The following ANKRD11 variants were observed in gnomAD, a reference collection of about 807,000 sequenced individuals.
ANKRD11 encodes the protein ankyrin repeat domain-containing protein 11.
A neutral mutation model predicts 195.7 loss-of-function variants in ANKRD11; 17 were observed. The ratio of observed to expected loss-of-function variants is 0.09; its 90% CI spans 0.06 to 0.13. The LOEUF (loss-of-function observed/expected upper bound fraction) is 0.13. Ranked by LOEUF, ANKRD11 falls within the 10% of genes least tolerant of loss-of-function variation. The pLI is 1.00. For missense variants in ANKRD11, 3,735 were observed against 3,566.1 expected, an observed-to-expected ratio of 1.05 and a Z score of -1.21; for synonymous variants, 1,953 against 1,528.1, an observed-to-expected ratio of 1.28 and a Z score of -6.49.
At chr16:89,417,010 C>A (rs768390319) in intron 2 of ANKRD11, among the ~76,000 whole-genome samples, 3 of 152,164 alleles carry the variant, frequency 2.0e-5, no homozygotes, top group Non-Finnish European at 4.4e-5. Context: ...AACATGCCCA[C>A]TACCCAGGCT....
intron 2 of ANKRD11, among the ~76,000 whole-genome samples, chr16:89,368,604 C>T (rs1485984095): frequency 1.4e-5 from 2 of 146,186 alleles, no homozygotes; most frequent in African/African-American, 5.2e-5. Context: ...AAACACGCAG[C>T]TCTTAAAAAA....
chr16:89,274,925 A>T lies in ANKRD11; in HGVS notation c.7602T>A (p.Ile2534=). The change falls in exon 11 of 13, where the codon ATT becomes ATA. Residue 2534 remains isoleucine (I), a synonymous_variant. Transcript: ENST00000301030. ...EKLIVSCEQE[I]LRVHCRAART... ...TGGCCGCCCGGCAGTGAACCCGCAG[A>T]ATCTCCTGCTCACAGGATACGATCA... 1 of 1,613,632 alleles carries T rather than the reference A, an allele frequency of 6.2e-7. No homozygotes were observed. Among genetic ancestry groups the T allele is most frequent in the Non-Finnish European group, 8.5e-7 (1 of 1,180,008 alleles).
At chr16:89,452,505 T>C (rs1463237973) in intron 1 of ANKRD11, among the ~76,000 whole-genome samples, 1 of 151,964 alleles carries the variant, frequency 6.6e-6, no homozygotes, top group Non-Finnish European at 1.5e-5. Flanking sequence ...TTACTTTTTT[T>C]TTAATCAAGA....
At chr16:89,335,942 A>T (rs1484011321) in intron 2 of ANKRD11, among the ~76,000 whole-genome samples, 3 of 152,218 alleles carry the variant, frequency 2.0e-5, no homozygotes, top group African/African-American at 7.2e-5. Context: ...CATCCGCCGC[A>T]AACATGACCG....
chr16:89,445,413 C>G (rs899229478), intron 1 of ANKRD11, among the ~76,000 whole-genome samples: 36 of 152,096 alleles, frequency 2.4e-4, no homozygotes, highest in Admixed American at 2.0e-4. Flanking sequence ...AGATGCTACC[C>G]CTGAAGCAAC....
Position 89,281,866 on chromosome 16 carries a change from T to C in ANKRD11, c.4676A>G (p.Lys1559Arg). 6.2e-7 allele frequency: 1 copy of C among 1,614,032 alleles called. No homozygotes were observed. Among genetic ancestry groups the C allele is most frequent in the Non-Finnish European group, 8.5e-7 (1 of 1,180,034 alleles). ...SNGNDKVAPS[K>R]DPGKKDARPR... ...CCTGGCGTCTTTCTTGCCTGGGTCT[T>C]TGGATGGCGCTACCTTATCATTCCC... Residue 1559 changes from lysine to arginine, a missense_variant, in exon 9 of 13, where the codon AAA (lysine) becomes AGA (arginine). Lys to Arg is a conservative substitution (Grantham distance 26). Coordinates refer to ENST00000301030, the MANE Select transcript of ANKRD11 (RefSeq NM_013275.6). This position sits in a 1 kb window ranked among gnomAD's most constrained non-coding sequence, Gnocchi z 5.5.
At chr16:89,375,247 G>T (rs990800268) in intron 2 of ANKRD11, among the ~76,000 whole-genome samples, 1 of 152,116 alleles carries the variant, frequency 6.6e-6, no homozygotes, top group Non-Finnish European at 1.5e-5. Flanking sequence ...TCGTCTCCGC[G>T]TGAGCAGCTG....
At chr16:89,271,654 GTC>G (rs1286746763) in intron 11 of ANKRD11, 3 of 154,128 alleles carry the variant, frequency 1.9e-5, no homozygotes, top group African/African-American at 4.8e-5. Context: ...GGAAAGGACA[GTC>G]TCTTCCGTAA....
rs576365404 is a variant in ANKRD11 at position 89,357,195 on chromosome 16, G to A, written c.-59-40117C>T. On this transcript the variant is annotated intron_variant, in intron 2 of 12. Transcript: ENST00000301030. The stretch of plus-strand genomic sequence containing the variant: ...AGAGCTACAACACACCTTCGAAGAT[G>A]AGTGGGGTTGGGGGCGGGGTGAGTC... Among the ~76,000 whole-genome samples, 203 of 152,336 alleles carry A rather than the reference G, an allele frequency of 1.3e-3. 1 individual carries two copies. The highest frequency in any genetic ancestry group is 6.8e-3 in the Middle Eastern group (2 of 294).
intron 7 of ANKRD11, chr16:89,288,306 A>G: frequency 1.4e-6 from 1 of 714,544 alleles, no homozygotes. Flanking sequence ...CCTTTCATAG[A>G]TGGCACTTGC....
intron 2 of ANKRD11, among the ~76,000 whole-genome samples, chr16:89,330,671 G>C (rs1272691256): frequency 1.2e-4 from 6 of 50,934 alleles, no homozygotes; most frequent in African/African-American, 4.3e-4. Context: ...GGGGGGGGGG[G>C]GGGGCGGGGG....
intron 4 of ANKRD11, among the ~76,000 whole-genome samples, chr16:89,293,973 A>C (rs1303498332): frequency 6.6e-6 from 1 of 152,146 alleles, no homozygotes; most frequent in Non-Finnish European, 1.5e-5. Flanking sequence ...GCTTTGTGGC[A>C]AACAGAACAT....
rs754950644 is a variant in ANKRD11 at position 89,284,927 on chromosome 16, T to C, written c.1615A>G (p.Thr539Ala). ...CGCCAGTGCTTGGTGTGCTGGTCTGTGTGGCTGGGGTTCTGCTTCTGGGCG... is the reference window on the plus strand; with the variant it reads ...CGCCAGTGCTTGGTGTGCTGGTCTGCGTGGCTGGGGTTCTGCTTCTGGGCG... ...SAAQKQNPSH[T>A]DQHTKHWRTD... The change falls in exon 9 of 13, where the codon ACA (threonine) becomes GCA (alanine). Residue 539 changes from threonine to alanine, a missense_variant. Physicochemically the swap from Thr to Ala is moderately conservative, Grantham distance 58. Transcript: ENST00000301030. 1 of 1,614,178 alleles carries C rather than the reference T, an allele frequency of 6.2e-7. No homozygotes were observed. Among genetic ancestry groups the C allele is most frequent in the Admixed American group, 1.7e-5 (1 of 60,034 alleles).
intron 2 of ANKRD11, among the ~76,000 whole-genome samples, chr16:89,350,258 GAA>G (rs2039147568): frequency 6.6e-6 from 1 of 152,180 alleles, no homozygotes; most frequent in African/African-American, 2.4e-5. Context: ...GGTCACTTTG[GAA>G]AAGAGTCTGG....
At chr16:89,393,206 C>T (rs1184451462) in intron 2 of ANKRD11, among the ~76,000 whole-genome samples, 1 of 152,192 alleles carries the variant, frequency 6.6e-6, no homozygotes, top group Non-Finnish European at 1.5e-5. Context: ...ACGACGCCAG[C>T]CTCATTCACC....
chr16:89,442,922 C>T (rs1179267062), intron 1 of ANKRD11, among the ~76,000 whole-genome samples: 2 of 152,220 alleles, frequency 1.3e-5, no homozygotes, highest in African/African-American at 2.4e-5. Context: ...CAGCCTCTGC[C>T]TCTTTCATTA....
chr16:89,386,113 G>A (rs1473105630), intron 2 of ANKRD11, among the ~76,000 whole-genome samples: 1 of 152,154 alleles, frequency 6.6e-6, no homozygotes. Flanking sequence ...TCAGATTTTC[G>A]TTTTTAAGTA....
intron 1 of ANKRD11, among the ~76,000 whole-genome samples, chr16:89,468,927 C>A (rs2056975094): frequency 6.6e-6 from 1 of 152,136 alleles, no homozygotes; most frequent in Non-Finnish European, 1.5e-5. Flanking sequence ...AAAAACAAAA[C>A]CAAATGATAA....
intron 2 of ANKRD11, among the ~76,000 whole-genome samples, chr16:89,318,520 G>A (rs28637538): frequency 0.02 from 3,042 of 152,260 alleles, 104 homozygotes; most frequent in African/African-American, 0.069. Context: ...TACCCATCTC[G>A]CTCATGCACG....
Sources: gnomAD v4.1 joint callset for allele counts (sites outside exome capture counted in the v4.1 genomes callset) on GRCh38, gnomAD v4.1.1 for gene constraint, Gnocchi (gnomAD v3.1) non-coding constraint, MANE v1.5 for transcripts, NCBI Gene and HGNC (gene_info 2026-07-23, HGNC 2026-07-21) for gene names.